PREX2: variants seen among roughly 807,000 people sequenced by gnomAD.
PREX2 encodes the protein phosphatidylinositol 3,4,5-trisphosphate-dependent Rac exchanger 2 protein.
PREX2 carries 107 observed loss-of-function variants against 203.2 expected under a neutral mutation model. The observed-to-expected ratio is 0.53, with a 90% CI of 0.45 to 0.62. The LOEUF is 0.62. Among genes scored for constraint, PREX2 ranks in the 20% least tolerant of loss-of-function variants. The pLI is 0.00. For synonymous variants in PREX2, 672 were observed against 663.6 expected, an observed-to-expected ratio of 1.01 and a Z score of -0.19; for missense variants, 1,777 against 1,955.9, an observed-to-expected ratio of 0.91 and a Z score of 1.72.
intron 34 of PREX2, among the ~76,000 whole-genome samples, chr8:68,150,478 C>G (rs1811412285): frequency 6.6e-6 from 1 of 152,168 alleles, no homozygotes; most frequent in South Asian, 2.1e-4. Context: ...TCTGATTACT[C>G]TACCCTTCTC....
At chr8:68,067,180 TC>T (rs1414374371) in intron 11 of PREX2, among the ~76,000 whole-genome samples, 1 of 152,110 alleles carries the variant, frequency 6.6e-6, no homozygotes, top group Non-Finnish European at 1.5e-5. Context: ...TTCCTTTTGT[TC>T]AAGGTTGCTT....
chr8:68,063,867 A>G (rs1478142362), intron 11 of PREX2, among the ~76,000 whole-genome samples: 1 of 152,214 alleles, frequency 6.6e-6, no homozygotes, highest in Admixed American at 6.5e-5. Flanking sequence ...ATGAAGAGGT[A>G]TGAGCCAAAT....
intron 1 of PREX2, among the ~76,000 whole-genome samples, chr8:67,989,184 T>G (rs1337335636): frequency 6.6e-6 from 1 of 152,056 alleles, no homozygotes; most frequent in Admixed American, 6.5e-5. Flanking sequence ...TAGAAAAAAG[T>G]GATGCTAAAA....
intron 14 of PREX2, among the ~76,000 whole-genome samples, chr8:68,073,580 G>A (rs949443579): frequency 5.3e-5 from 8 of 151,986 alleles, no homozygotes; most frequent in African/African-American, 1.7e-4. Context: ...ATATTTCATA[G>A]CACTTACATT....
At chr8:68,055,761 T>C (rs1017328824) in intron 9 of PREX2, 69 bp from the exon 10 acceptor site, 27 of 1,430,742 alleles carry the variant, frequency 1.9e-5, no homozygotes, top group Non-Finnish European at 2.5e-5. Context: ...GCTTGCTTAA[T>C]GAAGCCATAA....
chr8:68,045,811 A>G (rs1175553624), intron 8 of PREX2, among the ~76,000 whole-genome samples: 1 of 152,134 alleles, frequency 6.6e-6, no homozygotes. Flanking sequence ...CCGTGCTAAC[A>G]TGTGGGACCT....
chr8:68,056,117 T>G, intron 10 of PREX2, 143 bp downstream of exon 10: 1 of 754,760 alleles, frequency 1.3e-6, no homozygotes, highest in Non-Finnish European at 2.1e-6. Context: ...TCCTGGGCGG[T>G]AGCAGGATGA....
intron 38 of PREX2, among the ~76,000 whole-genome samples, chr8:68,221,070 T>C (rs1382956979): frequency 6.6e-6 from 1 of 152,212 alleles, no homozygotes; most frequent in African/African-American, 2.4e-5. Context: ...TTTATGTCCA[T>C]GTGTACTCAT....
chr8:68,070,851 G>C (rs889749294), intron 13 of PREX2, among the ~76,000 whole-genome samples: 1 of 152,112 alleles, frequency 6.6e-6, no homozygotes, highest in Non-Finnish European at 1.5e-5. Flanking sequence ...AGGTCCTGGA[G>C]GAGAAAGCAG....
At chr8:68,111,935 G>A (rs1168945271) in intron 25 of PREX2, among the ~76,000 whole-genome samples, 1 of 152,150 alleles carries the variant, frequency 6.6e-6, no homozygotes, top group African/African-American at 2.4e-5. Flanking sequence ...CAACTTTTAA[G>A]AGAAACTGCC....
chr8:67,991,694 T>A (rs775269381), intron 1 of PREX2, among the ~76,000 whole-genome samples: 1 of 152,100 alleles, frequency 6.6e-6, no homozygotes, highest in Non-Finnish European at 1.5e-5. Context: ...GGGATTACAA[T>A]TCAAGACGAG....
chr8:68,119,682 A>G (rs1007371315), intron 28 of PREX2, among the ~76,000 whole-genome samples, 168 bp downstream of exon 28: 1 of 152,226 alleles, frequency 6.6e-6, no homozygotes, highest in African/African-American at 2.4e-5. Context: ...ACATTCCTTC[A>G]GCCAACTAAC....
chr8:68,110,173 G>A (rs1299986407), intron 25 of PREX2, among the ~76,000 whole-genome samples: 1 of 152,118 alleles, frequency 6.6e-6, no homozygotes, highest in Non-Finnish European at 1.5e-5. Context: ...GAAGGTGGAG[G>A]CAGTTAATGA....
chr8:68,121,278 A>C lies in PREX2; in HGVS notation c.3724+229A>C, dbSNP rs113578512. ...ATGGAGAATATTCTCAGTGAATAAA[A>C]TAAGGGCTCAAAGTTATGAAGACAA... On this transcript the variant is annotated intron_variant, in intron 30 of 39. Coordinates refer to ENST00000288368, the MANE Select transcript of PREX2 (RefSeq NM_024870.4). Among the ~76,000 whole-genome samples, 27 of 152,240 alleles carry C rather than the reference A, an allele frequency of 1.8e-4. 1 individual carries two copies. The highest frequency in any genetic ancestry group is 6.5e-4 in the African/African-American group (27 of 41,560).
chr8:68,186,990 C>G (rs1383101649), intron 35 of PREX2, among the ~76,000 whole-genome samples: 2 of 151,770 alleles, frequency 1.3e-5, no homozygotes, highest in African/African-American at 4.8e-5. Context: ...ATCAGATCAA[C>G]ATGATCTAAA....
At chr8:68,105,352 C>T (rs775899335) in intron 23 of PREX2, 9 of 1,366,320 alleles carry the variant, frequency 6.6e-6, no homozygotes, top group Non-Finnish European at 8.8e-6. Context: ...GCAGAGAGGG[C>T]CCCTGTCTGA....
intron 18 of PREX2, among the ~76,000 whole-genome samples, chr8:68,084,548 C>T (rs1267864090): frequency 3.9e-5 from 6 of 152,220 alleles, no homozygotes; most frequent in African/African-American, 1.4e-4. Context: ...TGAGTCTCTT[C>T]AAGGCAGTGC....
At position 68,043,543 on chromosome 8, in the gene PREX2, G is replaced by A. The variant is rs532098516; in HGVS notation, c.840-944G>A. On this transcript the variant is annotated intron_variant, in intron 7 of 39. Transcript: ENST00000288368. ...TACAGCTACATCTTAACTTGTGCTA[G>A]GTGTGTCTACATAACACAACACATT... Among the ~76,000 whole-genome samples the A allele has an allele frequency of 9.1e-4, 138 of 152,098 alleles. 1 individual carries two copies. The highest frequency in any genetic ancestry group is 1.6e-3 in the Admixed American group (25 of 15,258).
intron 20 of PREX2, 136 bp downstream of exon 20, chr8:68,090,851 A>G (rs1018305768): frequency 5.1e-6 from 3 of 584,742 alleles, no homozygotes; most frequent in Non-Finnish European, 8.5e-6. Context: ...TATAAATCTC[A>G]TAATGATTGC....
Sources: allele counts gnomAD v4.1 joint callset (sites outside exome capture counted in the v4.1 genomes callset), GRCh38; gene constraint gnomAD v4.1.1; transcripts MANE v1.5; gene names NCBI Gene and HGNC (gene_info 2026-07-23, HGNC 2026-07-21).